PDSS2: variants seen among roughly 807,000 people sequenced by gnomAD.
PDSS2 encodes decaprenyl diphosphate synthase subunit 2.
In PDSS2, 31 loss-of-function variants were observed where a neutral mutation model predicts 44.5. The ratio of observed to expected loss-of-function variants is 0.70; its 90% CI spans 0.52 to 0.94. The LOEUF is 0.94. Ranked by LOEUF, PDSS2 falls within the 40% of genes least tolerant of loss-of-function variation. The probability of loss-of-function intolerance (pLI) is 0.00; values close to 1 mark genes in which losing one functional copy is unlikely to be tolerated. For missense variants in PDSS2, 452 were observed against 482.2 expected, an observed-to-expected ratio of 0.94 and a Z score of 0.59; for synonymous variants, 157 against 180.3, an observed-to-expected ratio of 0.87 and a Z score of 1.03.
chr6:107,281,920 T>A (rs911846516), intron 2 of PDSS2, among the ~76,000 whole-genome samples: 2 of 152,188 alleles, frequency 1.3e-5, no homozygotes, highest in East Asian at 3.8e-4. Flanking sequence ...TTATTTATTT[T>A]TTTGAGACAG....
chr6:107,246,051 A>T (rs574708571), intron 3 of PDSS2, among the ~76,000 whole-genome samples: 48 of 152,306 alleles, frequency 3.2e-4, no homozygotes, highest in African/African-American at 1.1e-3. Context: ...AAAGCAAAAG[A>T]ATGGATAATC....
intron 6 of PDSS2, among the ~76,000 whole-genome samples, chr6:107,201,224 T>C (rs954128806): frequency 2.6e-5 from 4 of 152,072 alleles, no homozygotes; most frequent in African/African-American, 9.7e-5. Context: ...GAAAAGAAAG[T>C]AATTTTTTCC....
At chr6:107,324,272 C>T (rs1030243344) in intron 2 of PDSS2, among the ~76,000 whole-genome samples, 1 of 152,146 alleles carries the variant, frequency 6.6e-6, no homozygotes, top group Non-Finnish European at 1.5e-5. Flanking sequence ...TCAAATTGCA[C>T]ATGCTTTCAT....
chr6:107,261,896 T>TC (rs1775244153), intron 3 of PDSS2, among the ~76,000 whole-genome samples: 1 of 116,272 alleles, frequency 8.6e-6, no homozygotes, highest in Admixed American at 9.3e-5. Context: ...GGTATTTCTT[T>TC]TCTTTCTTTT....
intron 4 of PDSS2, among the ~76,000 whole-genome samples, chr6:107,223,022 C>T (rs1773665323): frequency 1.3e-5 from 2 of 151,278 alleles, no homozygotes; most frequent in Admixed American, 1.3e-4. Context: ...AATCTCGGCT[C>T]ACTGCAACCT....
At chr6:107,410,395 G>GAC (rs375715793) in intron 1 of PDSS2, among the ~76,000 whole-genome samples, 2 of 152,092 alleles carry the variant, frequency 1.3e-5, no homozygotes, top group Non-Finnish European at 2.9e-5. Context: ...TGTGCGCGCA[G>GAC]ACACACACAC....
At chr6:107,383,430 C>A (rs1779515025) in intron 1 of PDSS2, among the ~76,000 whole-genome samples, 1 of 147,676 alleles carries the variant, frequency 6.8e-6, no homozygotes, top group South Asian at 2.1e-4. Context: ...CTCTTAGACA[C>A]AGCATGAGAA....
chr6:107,361,325 T>C (rs1184093366), intron 1 of PDSS2, among the ~76,000 whole-genome samples: 1 of 152,216 alleles, frequency 6.6e-6, no homozygotes, highest in African/African-American at 2.4e-5. Flanking sequence ...TTTAAGTACA[T>C]ACTTCAGACA....
At chr6:107,157,137 C>T (rs1554245796) in intron 7 of PDSS2, among the ~76,000 whole-genome samples, 1 of 152,130 alleles carries the variant, frequency 6.6e-6, no homozygotes. Context: ...AGTCCCTTGC[C>T]AAGCTAGCTC....
intron 1 of PDSS2, among the ~76,000 whole-genome samples, chr6:107,349,037 A>T (rs1778343110): frequency 6.6e-6 from 1 of 152,202 alleles, no homozygotes. Context: ...TCTCAAACTT[A>T]TAGAAAAGTT....
intron 7 of PDSS2, among the ~76,000 whole-genome samples, chr6:107,174,590 A>G (rs1771721093): frequency 6.6e-6 from 1 of 152,220 alleles, no homozygotes; most frequent in African/African-American, 2.4e-5. Flanking sequence ...GACTTGGTAC[A>G]AAAGGAAAAG....
intron 1 of PDSS2, among the ~76,000 whole-genome samples, chr6:107,362,148 C>T (rs959687298): frequency 6.6e-6 from 1 of 152,108 alleles, no homozygotes; most frequent in African/African-American, 2.4e-5. Context: ...GGAGCTTGAC[C>T]CCACATATTT....
At chr6:107,199,189 G>A (rs1438191596) in intron 6 of PDSS2, among the ~76,000 whole-genome samples, 1 of 152,192 alleles carries the variant, frequency 6.6e-6, no homozygotes, top group Non-Finnish European at 1.5e-5. Context: ...CCTACTATGA[G>A]TCAGACACTG....
intron 2 of PDSS2, among the ~76,000 whole-genome samples, chr6:107,300,796 C>T (rs571437138): frequency 1.3e-5 from 2 of 152,152 alleles, no homozygotes; most frequent in South Asian, 2.1e-4. Flanking sequence ...CACACACACA[C>T]GTGCATAAAC....
chr6:107,319,845 A>AT (rs1554265956), intron 2 of PDSS2, among the ~76,000 whole-genome samples: 1 of 152,160 alleles, frequency 6.6e-6, no homozygotes, highest in Non-Finnish European at 1.5e-5. Flanking sequence ...GACAATTCTG[A>AT]TTTTTCAGCT....
At chr6:107,212,830 A>T (rs1224792421) in intron 4 of PDSS2, among the ~76,000 whole-genome samples, 1 of 85,888 alleles carries the variant, frequency 1.2e-5, no homozygotes, top group Non-Finnish European at 2.2e-5. Context: ...ACATAGCAAG[A>T]CTCTACAAAA....
intron 1 of PDSS2, among the ~76,000 whole-genome samples, chr6:107,457,931 G>T (rs1048107255): frequency 6.6e-5 from 10 of 151,860 alleles, no homozygotes; most frequent in African/African-American, 1.9e-4. Flanking sequence ...AGTATTTAGG[G>T]GAAAAGGATC....
At chr6:107,227,042 C>A (rs1383533353) in intron 4 of PDSS2, among the ~76,000 whole-genome samples, 6 of 151,038 alleles carry the variant, frequency 4.0e-5, no homozygotes, top group African/African-American at 1.5e-4. Context: ...CCCAGGGGCA[C>A]AATCTTGGCT....
intron 5 of PDSS2, among the ~76,000 whole-genome samples, chr6:107,211,722 G>A (rs572632539): frequency 3.1e-4 from 42 of 133,522 alleles, no homozygotes; most frequent in African/African-American, 1.2e-3. Context: ...GTGACAGAGC[G>A]AGACTCCATC....
Sources: allele counts gnomAD v4.1 joint callset (sites outside exome capture counted in the v4.1 genomes callset), GRCh38; gene constraint gnomAD v4.1.1; transcripts MANE v1.5; gene names NCBI Gene and HGNC (gene_info 2026-07-23, HGNC 2026-07-21).